LEPR: variants seen among roughly 807,000 people sequenced by gnomAD.
The protein encoded by LEPR is OB receptor.
A neutral mutation model predicts 114.7 loss-of-function variants in LEPR; 56 were observed. The ratio of observed to expected loss-of-function variants is 0.49; its 90% CI spans 0.39 to 0.61. LEPR has a LOEUF of 0.61. Among genes scored for constraint, LEPR ranks in the 20% least tolerant of loss-of-function variants. LEPR has a pLI of 0.00. For missense variants in LEPR, 1,202 were observed against 1,352.9 expected, an observed-to-expected ratio of 0.89 and a Z score of 1.75; for synonymous variants, 443 against 461.4, an observed-to-expected ratio of 0.96 and a Z score of 0.51.
chr1:65,619,542 T>G (rs1045277481), intron 16 of LEPR, among the ~76,000 whole-genome samples: 2 of 151,994 alleles, frequency 1.3e-5, no homozygotes, highest in African/African-American at 4.8e-5. Context: ...GAATTCCTAT[T>G]AAAAAAAGGA....
intron 2 of LEPR, among the ~76,000 whole-genome samples, chr1:65,436,694 A>T (rs1024862155): frequency 1.3e-5 from 2 of 151,694 alleles, no homozygotes; most frequent in Non-Finnish European, 3.0e-5. Context: ...AGAAGAGCAC[A>T]CTTGGAGACT....
rs747467075 is a variant in LEPR, at chr1:65,572,290, GTTTTTTTTTTTTTTTTT to G, written c.371-25_371-9del. The G allele has an allele frequency of 1.0e-4, 82 of 799,884 alleles. 2 individuals are homozygous for G. In the South Asian group the frequency reaches 1.9e-3, roughly 18 times the overall value. The allele number at this position is 799,884 out of a possible 1,614,324, so 49.5% of individuals were successfully genotyped here. On this transcript the variant is annotated intron_variant, in intron 4 of 19. Transcript: ENST00000349533. ...ATGGTTTTTGAGATTTCATGTAGTT[GTTTTTTTTTTTTTTTTT>G]TTTTTTTTTTAAATTCAGATGCAAA... is the stretch of plus-strand genomic sequence containing the variant.
At chr1:65,604,964 A>G in intron 10 of LEPR, 74 bp from the exon 11 acceptor site, 1 of 1,579,798 alleles carries the variant, frequency 6.3e-7, no homozygotes, top group East Asian at 2.2e-5. Flanking sequence ...TTAAACAACA[A>G]ATCAGAATTC....
At chr1:65,521,961 GTAGTGGTGGACACCTGTAATCCCAGC>G (rs1295101492) in intron 2 of LEPR, among the ~76,000 whole-genome samples, 1 of 152,124 alleles carries the variant, frequency 6.6e-6, no homozygotes, top group African/African-American at 2.4e-5. Flanking sequence ...TTACGTGGGT[GTAGTGGTGGACACCTGTAATCCCAGC>G]TACTCGGAAG....
chr1:65,426,116 G>A (rs1248350998), intron 2 of LEPR, among the ~76,000 whole-genome samples: 2 of 134,290 alleles, frequency 1.5e-5, no homozygotes, highest in Admixed American at 7.0e-5. Flanking sequence ...GTCAGGGAGG[G>A]CCTCTCAGAG....
intron 18 of LEPR, 136 bp downstream of exon 18, chr1:65,621,594 G>A: frequency 2.8e-6 from 2 of 716,704 alleles, no homozygotes; most frequent in Non-Finnish European, 4.7e-6. Context: ...AATTAAGATA[G>A]CATAAAAAGG....
chr1:65,431,723 T>C, intron 2 of LEPR: 1 of 1,423,676 alleles, frequency 7.0e-7, no homozygotes, highest in Non-Finnish European at 9.6e-7. Context: ...TGGATGTTTC[T>C]AATGCAGAAA....
chr1:65,488,765 C>A lies in LEPR; in HGVS notation c.-21+63387C>A, dbSNP rs371445261. On this transcript the variant is annotated intron_variant, in intron 2 of 19. Transcript: ENST00000349533. ...ATTTCCCCACCCCCTACCACTCCCACCCTGCTATCCTTCCCAGCCTCTGCT... is the reference window on the plus strand; with the variant it reads ...ATTTCCCCACCCCCTACCACTCCCAACCTGCTATCCTTCCCAGCCTCTGCT... 3.9e-5 allele frequency among the ~76,000 whole-genome samples: 6 copies of A among 151,990 alleles called. 1 individual carries two copies. Among genetic ancestry groups the A allele is most frequent in the South Asian group, 2.1e-4 (1 of 4,820 alleles).
chr1:65,448,996 C>T (rs1006605737), intron 2 of LEPR, among the ~76,000 whole-genome samples: 10 of 152,150 alleles, frequency 6.6e-5, no homozygotes, highest in Admixed American at 3.9e-4. Context: ...CAGGTTCAAA[C>T]GACTCTCTTG....
At chr1:65,488,057 TTCCCTCCCTCTC>T (rs1485366012) in intron 2 of LEPR, among the ~76,000 whole-genome samples, 34 of 149,780 alleles carry the variant, frequency 2.3e-4, no homozygotes, top group African/African-American at 6.4e-4. Context: ...TCCTCTTTCT[TTCCCTCCCTCTC>T]TCCCTCCCTC....
At chr1:65,635,156 T>C (rs1247784861) in intron 19 of LEPR, 1 of 950,936 alleles carries the variant, frequency 1.1e-6, no homozygotes, top group Non-Finnish European at 1.3e-6. Flanking sequence ...TTATTTCAAG[T>C]AATAAATCTG....
chr1:65,490,700 C>A (rs867690694), intron 2 of LEPR, among the ~76,000 whole-genome samples: 1 of 152,052 alleles, frequency 6.6e-6, no homozygotes, highest in Non-Finnish European at 1.5e-5. Flanking sequence ...TCTTCTTAAG[C>A]ATTTTACGGA....
chr1:65,478,781 T>A (rs1170743916), intron 2 of LEPR, among the ~76,000 whole-genome samples: 1 of 152,114 alleles, frequency 6.6e-6, no homozygotes, highest in African/African-American at 2.4e-5. Context: ...TACCCTTCAG[T>A]TCTAGATTTG....
intron 2 of LEPR, among the ~76,000 whole-genome samples, chr1:65,555,546 G>T (rs1040785553): frequency 6.6e-6 from 1 of 152,082 alleles, no homozygotes; most frequent in African/African-American, 2.4e-5. Context: ...CTTGTATCTG[G>T]TCTGTAAGAC....
intron 2 of LEPR, chr1:65,435,135 T>A: frequency 1.0e-6 from 1 of 985,376 alleles, no homozygotes; most frequent in Non-Finnish European, 1.2e-6. Context: ...CTGTCATACC[T>A]CATCTCTTCC....
At chr1:65,610,566 T>G (rs1657101893) in intron 14 of LEPR, among the ~76,000 whole-genome samples, 1 of 152,202 alleles carries the variant, frequency 6.6e-6, no homozygotes, top group Admixed American at 6.5e-5. Flanking sequence ...TGGGCCTCAG[T>G]TTTCTCATCT....
chr1:65,617,947 C>T lies in LEPR; in HGVS notation c.2213-17C>T, dbSNP rs1284523474. 1.3e-5 allele frequency: 20 copies of T among 1,598,686 alleles called. No individual in the cohort carries two copies. The highest frequency in any genetic ancestry group is 1.7e-5 in the Non-Finnish European group (20 of 1,174,484). On this transcript the variant is annotated splice_polypyrimidine_tract_variant and intron_variant, in intron 15 of 19. Transcript: ENST00000349533. ...TAATTTTTAATTTAAAAATTAATTTCCTTCTTTTCCCCTCAGTAAATATCG... is the reference window on the plus strand; with the variant it reads ...TAATTTTTAATTTAAAAATTAATTTTCTTCTTTTCCCCTCAGTAAATATCG...
chr1:65,429,962 G>A (rs760576579), intron 2 of LEPR: 3 of 1,578,998 alleles, frequency 1.9e-6, no homozygotes, highest in Non-Finnish European at 1.7e-6. Flanking sequence ...AACCAGTAGT[G>A]CCTGTCGGGA....
At chr1:65,585,238 A>G (rs1028302549) in intron 5 of LEPR, among the ~76,000 whole-genome samples, 17 of 152,160 alleles carry the variant, frequency 1.1e-4, no homozygotes, top group African/African-American at 4.1e-4. Context: ...AATGATTTAC[A>G]AAACTAATAC....
Sources: gnomAD v4.1 joint callset for allele counts (sites outside exome capture counted in the v4.1 genomes callset) on GRCh38, gnomAD v4.1.1 for gene constraint, MANE v1.5 for transcripts, NCBI Gene and HGNC (gene_info 2026-07-23, HGNC 2026-07-21) for gene names.